The following CIT variants were observed in gnomAD, a reference collection of about 807,000 sequenced individuals.
CIT encodes citron Rho-interacting kinase.
Under a neutral mutation model 272.7 loss-of-function variants are expected in CIT, and 79 were observed. The observed-to-expected ratio is 0.29, with a 90% CI of 0.24 to 0.35. The LOEUF (loss-of-function observed/expected upper bound fraction) is 0.35. CIT is among the 10% of genes least tolerant of loss of function. CIT has a pLI of 1.00. For synonymous variants in CIT, 948 were observed against 995.6 expected (o/e 0.95, Z 0.90); for missense variants, 1,909 against 2,618.3 (o/e 0.73, Z 5.91).
At chr12:119,844,924 T>C (rs1192186551) in intron 5 of CIT, among the ~76,000 whole-genome samples, 1 of 151,636 alleles carries the variant, frequency 6.6e-6, no homozygotes, top group Non-Finnish European at 1.5e-5. Flanking sequence ...ATCGAGACCA[T>C]CCTGGCTAAC....
chr12:119,823,327 A>T (rs1593870058), intron 8 of CIT, among the ~76,000 whole-genome samples: 1 of 152,148 alleles, frequency 6.6e-6, no homozygotes, highest in South Asian at 2.1e-4. Context: ...TTCCTTGGCT[A>T]CCTTTTCTAT....
rs1958231106 is a variant in CIT at position 119,728,225 on chromosome 12, T to C, written c.3591+277A>G. ...GTCATTACACATTTGTCAAAACCCA[T>C]AGAACATACAACACCAATAGCAAAC... On this transcript the variant is annotated intron_variant, in intron 28 of 47. Coordinates refer to ENST00000392521, the MANE Select transcript of CIT (RefSeq NM_001206999.2). This position sits in a 1 kb window ranked among gnomAD's most constrained non-coding sequence, Gnocchi z 4.3. 6.6e-6 allele frequency among the ~76,000 whole-genome samples: 1 copy of C among 152,140 alleles called. No homozygotes were observed. Among genetic ancestry groups the C allele is most frequent in the South Asian group, 2.1e-4 (1 of 4,836 alleles).
intron 13 of CIT, among the ~76,000 whole-genome samples, chr12:119,781,152 T>A (rs1429335659): frequency 6.6e-6 from 1 of 152,166 alleles, no homozygotes; most frequent in East Asian, 1.9e-4. Context: ...GGAGCATGAG[T>A]CAACTGTCAA....
intron 9 of CIT, among the ~76,000 whole-genome samples, chr12:119,820,557 A>G (rs1310255122): frequency 6.6e-6 from 1 of 152,182 alleles, no homozygotes; most frequent in African/African-American, 2.4e-5. Flanking sequence ...CAAAAAATAA[A>G]TAAATAAATA....
intron 5 of CIT, among the ~76,000 whole-genome samples, chr12:119,848,965 A>C (rs1159616450): frequency 6.6e-6 from 1 of 152,148 alleles, no homozygotes; most frequent in Non-Finnish European, 1.5e-5. Context: ...AGCCATGTTC[A>C]TGCCACTGAA....
In CIT at chr12:119,713,008, T is replaced by C; in HGVS notation, c.4579+195A>G. On this transcript the variant is annotated intron_variant, in intron 35 of 47. Transcript: ENST00000392521. This position sits in a 1 kb window ranked among gnomAD's most constrained non-coding sequence, Gnocchi z 5.2. ...AATCTTCAGGGCAGCGCCCTGCGGG[T>C]TCTTCAGGGGGGAGACCTATAGATG... 1.6e-6 allele frequency: 1 copy of C among 627,884 alleles called. No individual in the cohort carries two copies. The highest frequency in any genetic ancestry group is 2.8e-6 in the Non-Finnish European group (1 of 353,658). The allele number at this position is 627,884 out of a possible 1,614,324, so 38.9% of individuals were successfully genotyped here.
chr12:119,844,909 A>T (rs1009252201), intron 5 of CIT, among the ~76,000 whole-genome samples: 11 of 151,976 alleles, frequency 7.2e-5, no homozygotes, highest in Admixed American at 5.2e-4. Flanking sequence ...TCATGAGGTC[A>T]GAAGATCGAG....
At chr12:119,731,350 C>G (rs756619163) in intron 26 of CIT, among the ~76,000 whole-genome samples, 1 of 151,592 alleles carries the variant, frequency 6.6e-6, no homozygotes, top group Non-Finnish European at 1.5e-5. Flanking sequence ...GTGGCGCATG[C>G]CTGTAATCCT....
chr12:119,784,594 G>A lies in CIT; in HGVS notation c.1401+366C>T. 8.5e-7 allele frequency: 1 copy of A among 1,179,024 alleles called. No individual in the cohort carries two copies. Among genetic ancestry groups the A allele is most frequent in the Non-Finnish European group, 1.1e-6 (1 of 946,176 alleles). The allele number at this position is 1,179,024 out of a possible 1,614,324, so 73.0% of individuals were successfully genotyped here. ...CACAGTGGCCGCAGTGACATAAGCA[G>A]GAGTTTTAAAAGACTAGGAAGAGAG... On this transcript the variant is annotated intron_variant, in intron 11 of 47. Transcript: ENST00000392521. The surrounding 1 kb of genome is among the most constrained non-coding windows in gnomAD (Gnocchi z 4.7).
intron 5 of CIT, among the ~76,000 whole-genome samples, chr12:119,838,063 AAG>A (rs2138157243): frequency 6.6e-6 from 1 of 152,176 alleles, no homozygotes; most frequent in African/African-American, 2.4e-5. Flanking sequence ...TATAATGAAA[AAG>A]AGTTTTGTTT....
At position 119,784,073 on chromosome 12, in the gene CIT, GT is replaced by G. The variant is rs774226039; in HGVS notation, c.1402-23del. 3 of 1,613,222 alleles carry G rather than the reference GT, an allele frequency of 1.9e-6. No individual in the cohort carries two copies. The Admixed American group carries it at 5.0e-5, about 27-fold the overall frequency. On this transcript the variant is annotated intron_variant, in intron 11 of 47. Transcript: ENST00000392521. The surrounding 1 kb of genome is among the most constrained non-coding windows in gnomAD (Gnocchi z 4.7). ...CCATCTGAAATAAACACATCGACAG[GT>G]TAAAAAGGCCCGTGGAGGTTCATTA...
rs10699099 is a variant in CIT at position 119,717,838 on chromosome 12, CTTT to C, written c.4168+404_4168+406del. Among the ~76,000 whole-genome samples the C allele has an allele frequency of 2.0e-4, 16 of 81,350 alleles. 2 individuals are homozygous for C. The highest frequency in any genetic ancestry group is 2.7e-4 in the Non-Finnish European group (12 of 44,326). 53.4% of individuals were successfully genotyped at this position (81,350 alleles called of 152,430 possible). A position where few individuals can be genotyped will look rare whatever the true frequency, so the allele number is the denominator to read the frequency against. On this transcript the variant is annotated intron_variant, in intron 32 of 47. Transcript: ENST00000392521. ...GGGGAGCCAGGAGACTGACTTCTTT[CTTT>C]TTTTTTTTTTTTTTTTTGAGATGGA...
At position 119,697,517 on chromosome 12, in the gene CIT, C is replaced by T. The variant is rs1593377036; in HGVS notation, c.5882+142G>A. 1.1e-5 allele frequency: 10 copies of T among 894,058 alleles called. No homozygotes were observed. The highest frequency in any genetic ancestry group is 3.3e-5 in the African/African-American group (2 of 59,798). 55.4% of individuals were successfully genotyped at this position (894,058 alleles called of 1,614,324 possible). A position where few individuals can be genotyped will look rare whatever the true frequency, so the allele number is the denominator to read the frequency against. On this transcript the variant is annotated intron_variant, in intron 46 of 47. Coordinates refer to ENST00000392521, the MANE Select transcript of CIT (RefSeq NM_001206999.2). This position sits in a 1 kb window ranked among gnomAD's most constrained non-coding sequence, Gnocchi z 4.9. ...ATAATGGTCTGTGTTATTTCAGTGCCGCAGATCGCAAACAAATGAATGGTT... is the reference window on the plus strand; with the variant it reads ...ATAATGGTCTGTGTTATTTCAGTGCTGCAGATCGCAAACAAATGAATGGTT...
chr12:119,876,869 T>C (rs997014206), intron 1 of CIT, among the ~76,000 whole-genome samples: 1 of 152,070 alleles, frequency 6.6e-6, no homozygotes. Context: ...GCACGGGGTA[T>C]GAATACGCTG....
chr12:119,751,734 G>T (rs1488458368), intron 23 of CIT, among the ~76,000 whole-genome samples: 2 of 151,900 alleles, frequency 1.3e-5, no homozygotes, highest in East Asian at 1.9e-4. Context: ...GAAAGCCAAG[G>T]TAAACAAACT....
intron 5 of CIT, among the ~76,000 whole-genome samples, chr12:119,839,172 C>T (rs1455473250): frequency 6.6e-6 from 1 of 152,158 alleles, no homozygotes; most frequent in Non-Finnish European, 1.5e-5. Context: ...TACCCCAGTA[C>T]CAGGAAGGCA....
chr12:119,751,626 C>T (rs1189036523), intron 23 of CIT, among the ~76,000 whole-genome samples: 1 of 95,486 alleles, frequency 1.0e-5, no homozygotes, highest in South Asian at 3.7e-4. Context: ...AAAAAAGTAA[C>T]ATGAGTAAGG....
At position 119,718,295 on chromosome 12, in the gene CIT, C is replaced by T. The variant is rs1957641332; in HGVS notation, c.4118G>A (p.Ser1373Asn). ...RSPEHQPSAM[S>N]LLAPPSSRRK... ...GCGGCTGGATGGCGGGGCCAGCAGG[C>T]TCATGGCACTGGGCTGGTGCTCTGG... The change falls in exon 32 of 48, where the codon AGC becomes AAC. Residue 1373 changes from serine (S) to asparagine (N), a missense_variant. Transcript: ENST00000392521. This position sits in a 1 kb window ranked among gnomAD's most constrained non-coding sequence, Gnocchi z 4.8. 2 of 1,614,024 alleles carry T rather than the reference C, an allele frequency of 1.2e-6. No individual in the cohort carries two copies. Among genetic ancestry groups the T allele is most frequent in the Non-Finnish European group, 8.5e-7 (1 of 1,179,942 alleles).
chr12:119,804,100 T>C lies in CIT; in HGVS notation c.1112-711A>G. ...ACCAGCCAAATAAAGTTCCTACCGG[T>C]GATCTACAGCACCCCTGCGCGCTGA... On this transcript the variant is annotated intron_variant, in intron 9 of 47. Coordinates refer to ENST00000392521, the MANE Select transcript of CIT (RefSeq NM_001206999.2). This position sits in a 1 kb window ranked among gnomAD's most constrained non-coding sequence, Gnocchi z 5.3. 1 of 909,996 alleles carries C rather than the reference T, an allele frequency of 1.1e-6. No individual in the cohort carries two copies. The highest frequency in any genetic ancestry group is 1.8e-5 in the African/African-American group (1 of 55,784). The allele number at this position is 909,996 out of a possible 1,614,324, so 56.4% of individuals were successfully genotyped here.
Sources: gnomAD v4.1 joint callset for allele counts (sites outside exome capture counted in the v4.1 genomes callset) on GRCh38, gnomAD v4.1.1 for gene constraint, Gnocchi (gnomAD v3.1) non-coding constraint, MANE v1.5 for transcripts, NCBI Gene and HGNC (gene_info 2026-07-23, HGNC 2026-07-21) for gene names.